Variants in SLC66A2 observed in about 807,000 individuals in gnomAD.
SLC66A2 encodes solute carrier family 66 member 2.
SLC66A2 carries 23 observed loss-of-function variants against 25.5 expected under a neutral mutation model. That is an observed-to-expected ratio of 0.90 (90% CI 0.65 to 1.28). The LOEUF is 1.28. Among genes scored for constraint, SLC66A2 ranks in the 50% most tolerant of loss-of-function variants. The probability of loss-of-function intolerance (pLI) is 0.00; values close to 1 mark genes in which losing one functional copy is unlikely to be tolerated. For missense variants in SLC66A2, 396 were observed against 373.1 expected (o/e 1.06, Z -0.51); for synonymous variants, 193 against 166.5 (o/e 1.16, Z -1.23).
chr18:79,914,845 C>T (rs555197654), intron 5 of SLC66A2, among the ~76,000 whole-genome samples: 8 of 152,342 alleles, frequency 5.3e-5, no homozygotes, highest in Non-Finnish European at 7.3e-5. Flanking sequence ...GCCCCCAGGT[C>T]GCCGGCCCTA....
In SLC66A2 at chr18:79,919,310, G is replaced by C. The variant is rs750192280; in HGVS notation, c.482C>G (p.Thr161Ser). 1.2e-6 allele frequency: 2 copies of C among 1,613,178 alleles called. No homozygotes were observed. The highest frequency in any genetic ancestry group is 1.7e-6 in the Non-Finnish European group (2 of 1,180,038). Reference sequence around the variant, plus strand: ...CAGGGCGGAGTCAATGGACAGGTAGGTGATGTAGCCCGCCACGCCCGTGAA... The same window carrying C: ...CAGGGCGGAGTCAATGGACAGGTAGCTGATGTAGCCCGCCACGCCCGTGAA... ...LAFTGVAGYI[T>S]YLSIDSALFV... Residue 161 changes from threonine to serine, a missense_variant, in exon 5 of 6, where the codon ACC becomes AGC. By Grantham distance (58) the Thr-to-Ser change is moderately conservative (BLOSUM62 1). Transcript: ENST00000397778.
In SLC66A2 at chr18:79,940,737, C is replaced by A. The variant is rs1169504269; in HGVS notation, c.337+2592G>T. On this transcript the variant is annotated intron_variant, in intron 3 of 5. Coordinates refer to ENST00000397778, the MANE Select transcript of SLC66A2 (RefSeq NM_025078.5). The surrounding 1 kb of genome is among the most constrained non-coding windows in gnomAD (Gnocchi z 4.1). ...CATCAAGACGCCCTGCAGGAACAGG[C>A]CTGGCCCATCCACCAAGGGGACGTG... Among the ~76,000 whole-genome samples, 6 of 152,158 alleles carry A rather than the reference C, an allele frequency of 3.9e-5. No homozygotes were observed. The highest frequency in any genetic ancestry group is 8.8e-5 in the Non-Finnish European group (6 of 68,018).
rs1981721143 is a variant in SLC66A2 at position 79,904,358 on chromosome 18, G to C, written c.609-175C>G. On this transcript the variant is annotated intron_variant, in intron 5 of 5. Coordinates refer to ENST00000397778, the MANE Select transcript of SLC66A2 (RefSeq NM_025078.5). This position sits in a 1 kb window ranked among gnomAD's most constrained non-coding sequence, Gnocchi z 6.3. ...CCTGGGGCTCAGGGGGCACCCAGGG[G>C]GTTGAGGGGACACCCAGTCTACAGG... Among the ~76,000 whole-genome samples the C allele has an allele frequency of 6.6e-6, 1 of 151,792 alleles. No individual in the cohort carries two copies. Among genetic ancestry groups the C allele is most frequent in the South Asian group, 2.1e-4 (1 of 4,816 alleles).
chr18:79,930,809 T>C (rs1986493152), intron 4 of SLC66A2, among the ~76,000 whole-genome samples: 1 of 152,202 alleles, frequency 6.6e-6, no homozygotes, highest in Non-Finnish European at 1.5e-5. Context: ...CCATAATATA[T>C]GTTTGTTCTC....
intron 1 of SLC66A2, 94 bp from the exon 2 acceptor site, chr18:79,951,119 G>A (rs1469594056): frequency 6.6e-6 from 2 of 304,242 alleles, no homozygotes; most frequent in Non-Finnish European, 1.2e-5. Context: ...CAGGACCCGA[G>A]GCAGAGCGGG....
chr18:79,907,753 G>A (rs1362824925), intron 5 of SLC66A2, among the ~76,000 whole-genome samples: 6 of 151,908 alleles, frequency 3.9e-5, no homozygotes, highest in Non-Finnish European at 5.9e-5. Flanking sequence ...AATTCCTGGA[G>A]ACATTTTTAG....
At chr18:79,948,718 A>G (rs2051015830) in intron 2 of SLC66A2, among the ~76,000 whole-genome samples, 1 of 152,300 alleles carries the variant, frequency 6.6e-6, no homozygotes, top group South Asian at 2.1e-4. Context: ...TCTTTCCCGT[A>G]TGGTTATCCA....
chr18:79,935,383 G>T (rs928419775), intron 3 of SLC66A2: 1 of 152,352 alleles, frequency 6.6e-6, no homozygotes, highest in Non-Finnish European at 1.5e-5. Context: ...GGAATGCAGA[G>T]TTCTGATGCT....
At chr18:79,942,295 C>T (rs944805950) in intron 3 of SLC66A2, among the ~76,000 whole-genome samples, 5 of 152,150 alleles carry the variant, frequency 3.3e-5, no homozygotes, top group Admixed American at 6.5e-5. Context: ...GCAGAAAAGA[C>T]GCTGGAGCTC....
intron 2 of SLC66A2, chr18:79,943,848 G>A (rs550596961): frequency 3.3e-4 from 70 of 211,246 alleles, no homozygotes; most frequent in Middle Eastern, 1.8e-3. Context: ...AACCTGCAGC[G>A]GGAGAGACCC....
chr18:79,915,992 G>A (rs62101186), intron 5 of SLC66A2: 24,485 of 84,190 alleles, frequency 0.29, 2,585 homozygotes, highest in Non-Finnish European at 0.35. Flanking sequence ...TTCTGTACCC[G>A]CGGTGCTCTC....
Position 79,902,512 on chromosome 18 carries a change from G to C in SLC66A2, c.*1464C>G, listed in dbSNP as rs993284126. 4 of 152,270 alleles carry C rather than the reference G, an allele frequency of 2.6e-5. No homozygotes were observed. The highest frequency in any genetic ancestry group is 9.6e-5 in the African/African-American group (4 of 41,458). 9.4% of individuals were successfully genotyped at this position (152,270 alleles called of 1,614,324 possible). A position where few individuals can be genotyped will look rare whatever the true frequency, so the allele number is the denominator to read the frequency against. On this transcript the variant is annotated 3_prime_UTR_variant, in exon 6 of 6. Coordinates refer to ENST00000397778, the MANE Select transcript of SLC66A2 (RefSeq NM_025078.5). ...TGCAGTCGGCGACAGTTTAATGTGA[G>C]GCAATTACCGCTACAGACATCTTGC...
intron 2 of SLC66A2, among the ~76,000 whole-genome samples, chr18:79,948,048 A>G (rs2050993295): frequency 6.6e-6 from 1 of 152,206 alleles, no homozygotes; most frequent in Non-Finnish European, 1.5e-5. Flanking sequence ...CATCTTCTGG[A>G]ACACACTGGG....
intron 1 of SLC66A2, among the ~76,000 whole-genome samples, chr18:79,951,305 C>A (rs1780954575): frequency 6.7e-6 from 1 of 150,138 alleles, no homozygotes; most frequent in Non-Finnish European, 1.5e-5. Context: ...GGTCCACGCG[C>A]GCCCCGGGAT....
rs115254500 is a variant in SLC66A2 at position 79,943,406 on chromosome 18, G to A, written c.260C>T (p.Thr87Ile). 2 of 1,614,088 alleles carry A rather than the reference G, an allele frequency of 1.2e-6. No individual in the cohort carries two copies. Among genetic ancestry groups the A allele is most frequent in the Admixed American group, 1.7e-5 (1 of 60,010 alleles). ...GCACAGCTTCAGCATCAGCAGCATG[G>A]TCAGGATCATGATGGCGCTCTGCCA... is the stretch of plus-strand genomic sequence containing the variant. Reference protein sequence around the residue: ...LLWQSAIMILTMLLMLKLCTE... With the variant: ...LLWQSAIMILIMLLMLKLCTE... Residue 87 changes from threonine (T) to isoleucine (I), a missense_variant, in exon 3 of 6, where the codon ACC becomes ATC. By Grantham distance (89) the Thr-to-Ile change is moderately conservative. Coordinates refer to ENST00000397778, the MANE Select transcript of SLC66A2 (RefSeq NM_025078.5).
At chr18:79,948,028 T>G (rs909392022) in intron 2 of SLC66A2, among the ~76,000 whole-genome samples, 1 of 152,206 alleles carries the variant, frequency 6.6e-6, no homozygotes, top group South Asian at 2.1e-4. Flanking sequence ...TCTCCCCGCT[T>G]TCATCCCACC....
At chr18:79,906,364 T>C (rs2123183442) in intron 5 of SLC66A2, among the ~76,000 whole-genome samples, 1 of 152,370 alleles carries the variant, frequency 6.6e-6, no homozygotes, top group African/African-American at 2.4e-5. Flanking sequence ...AATCAGTATT[T>C]AATACTACAC....
chr18:79,933,827 A>G lies in SLC66A2; in HGVS notation c.391+142T>C, dbSNP rs1044950172. Reference sequence around the variant, plus strand: ...TTGAAAACAGCAGAGCTAGGAGTTGATTAGTTTGCTGTAGACTCGGCCACG... The same window carrying G: ...TTGAAAACAGCAGAGCTAGGAGTTGGTTAGTTTGCTGTAGACTCGGCCACG... On this transcript the variant is annotated intron_variant, in intron 4 of 5. Coordinates refer to ENST00000397778, the MANE Select transcript of SLC66A2 (RefSeq NM_025078.5). 6.0e-6 allele frequency: 4 copies of G among 662,516 alleles called. No homozygotes were observed. In the African/African-American group the frequency reaches 7.3e-5, roughly 12 times the overall value. The allele number at this position is 662,516 out of a possible 1,614,324, so 41.0% of individuals were successfully genotyped here.
At chr18:79,912,779 C>T (rs1472237771) in intron 5 of SLC66A2, among the ~76,000 whole-genome samples, 1 of 152,094 alleles carries the variant, frequency 6.6e-6, no homozygotes, top group Non-Finnish European at 1.5e-5. Context: ...TTGTAATGTT[C>T]CAGAGCCTCC....
Sources: allele counts gnomAD v4.1 joint callset (sites outside exome capture counted in the v4.1 genomes callset), GRCh38; gene constraint gnomAD v4.1.1; non-coding constraint Gnocchi (gnomAD v3.1); transcripts MANE v1.5; gene names NCBI Gene and HGNC (gene_info 2026-07-23, HGNC 2026-07-21).